The following C2orf66 variants were observed in gnomAD, a reference collection of about 807,000 sequenced individuals.
The protein encoded by C2orf66 is uncharacterized protein C2orf66.
A neutral mutation model predicts 7.0 loss-of-function variants in C2orf66; 6 were observed. The ratio of observed to expected loss-of-function variants is 0.86; its 90% CI spans 0.47 to 1.69. The LOEUF (loss-of-function observed/expected upper bound fraction) is 1.69, where lower values mean the gene tolerates loss of function less well. Ranked by LOEUF, C2orf66 falls within the 40% of genes most tolerant of loss-of-function variation. The probability of loss-of-function intolerance (pLI) is 0.01; values close to 1 mark genes in which losing one functional copy is unlikely to be tolerated. For synonymous variants in C2orf66, 38 were observed against 43.8 expected (o/e 0.87, Z 0.52); for missense variants, 107 against 112.0 (o/e 0.96, Z 0.20).
At chr2:196,822,331 T>TA in the C2orf66 span, among the ~76,000 whole-genome samples, 1 of 152,286 alleles carries the variant, frequency 6.6e-6, no homozygotes, top group South Asian at 2.1e-4. Flanking sequence ...TGTAGGTACA[T>TA]AAAATGTTAT....
chr2:196,829,963 A>T, the C2orf66 span, among the ~76,000 whole-genome samples: 4 of 152,192 alleles, frequency 2.6e-5, no homozygotes, highest in African/African-American at 9.6e-5. Context: ...ACACAACATT[A>T]GGACAGGCAG....
At chr2:196,829,619 C>T in the C2orf66 span, among the ~76,000 whole-genome samples, 1,339 of 151,516 alleles carry the variant, frequency 8.8e-3, 17 homozygotes, top group African/African-American at 0.03. Flanking sequence ...AAACAGGGGC[C>T]GGGTGCAGTG....
At chr2:196,823,206 G>A in the C2orf66 span, among the ~76,000 whole-genome samples, 4 of 152,170 alleles carry the variant, frequency 2.6e-5, no homozygotes, top group Non-Finnish European at 4.4e-5. Context: ...TAACAACTAC[G>A]TAGATGTAGT....
the C2orf66 span, among the ~76,000 whole-genome samples, chr2:196,819,856 TAAG>T: frequency 6.6e-6 from 1 of 152,238 alleles, no homozygotes; most frequent in East Asian, 1.9e-4. Context: ...CATATTTTAA[TAAG>T]GAGGGGAGAG....
chr2:196,827,022 A>T, the C2orf66 span, among the ~76,000 whole-genome samples: 5 of 150,574 alleles, frequency 3.3e-5, no homozygotes, highest in African/African-American at 1.0e-4. Context: ...CAGAGGGAGG[A>T]CTCTGTCTCA....
chr2:196,830,899 G>A, the C2orf66 span, among the ~76,000 whole-genome samples: 1 of 152,020 alleles, frequency 6.6e-6, no homozygotes, highest in Non-Finnish European at 1.5e-5. Context: ...TCTTCTTTGA[G>A]GGGGAACAAG....
chr2:196,807,164 A>ATAAATAAT (rs1401252807), intron 2 of C2orf66, among the ~76,000 whole-genome samples: 1 of 152,160 alleles, frequency 6.6e-6, no homozygotes, highest in Non-Finnish European at 1.5e-5. Flanking sequence ...TAATCCTATT[A>ATAAATAAT]AGAGATAATT....
the C2orf66 span, among the ~76,000 whole-genome samples, chr2:196,830,707 T>C: frequency 6.6e-6 from 1 of 152,054 alleles, no homozygotes; most frequent in Non-Finnish European, 1.5e-5. Context: ...TCTTACACTG[T>C]TTTAATTCTT....
the C2orf66 span, among the ~76,000 whole-genome samples, chr2:196,823,622 G>T: frequency 9.4e-6 from 1 of 106,950 alleles, no homozygotes; most frequent in Non-Finnish European, 1.9e-5. Context: ...GTGAGACCCT[G>T]TCTCAAACAA....
chr2:196,830,608 A>G, the C2orf66 span, among the ~76,000 whole-genome samples: 12 of 152,194 alleles, frequency 7.9e-5, no homozygotes, highest in African/African-American at 2.9e-4. Context: ...TTACAAAGCC[A>G]ATTTTTCCTT....
the C2orf66 span, among the ~76,000 whole-genome samples, chr2:196,825,433 A>T: frequency 6.0e-3 from 912 of 152,330 alleles, 4 homozygotes; most frequent in African/African-American, 0.021. Context: ...CTAAGAAAGT[A>T]GATCTTAAAT....
At chr2:196,813,116 T>C (rs933188390), upstream of C2orf66, among the ~76,000 whole-genome samples, 1 of 151,778 alleles carries the variant, frequency 6.6e-6, no homozygotes, top group Non-Finnish European at 1.5e-5. Context: ...AGAGCCCACA[T>C]AGCCAAAAAG....
At chr2:196,815,131 T>TC in the C2orf66 span, among the ~76,000 whole-genome samples, 3 of 151,686 alleles carry the variant, frequency 2.0e-5, no homozygotes, top group African/African-American at 7.3e-5. Flanking sequence ...TGGCTGGCTC[T>TC]CTTTTTTTTT....
upstream of C2orf66, among the ~76,000 whole-genome samples, chr2:196,813,585 A>G (rs768229797): frequency 6.6e-6 from 1 of 152,258 alleles, no homozygotes; most frequent in Non-Finnish European, 1.5e-5. Context: ...AATGGGATCT[A>G]ATTACACTAA....
chr2:196,823,366 T>A, the C2orf66 span, among the ~76,000 whole-genome samples: 2 of 152,178 alleles, frequency 1.3e-5, no homozygotes, highest in Non-Finnish European at 2.9e-5. Context: ...CTCATGTCTG[T>A]AATCCTAGCA....
upstream of C2orf66, chr2:196,809,671 TG>T (rs1422674521): frequency 4.1e-6 from 1 of 244,842 alleles, no homozygotes; most frequent in African/African-American, 2.2e-5. Context: ...CCAAAGAAAC[TG>T]CAACTCTTAA....
chr2:196,805,398 T>A lies in C2orf66; in HGVS notation c.*30A>T, dbSNP rs1699809454. ...AGAAGCTTCATCTGTAGTTTTAAAA[T>A]AGCCAGACACCTGAAAGAACAAGAC... On this transcript the variant is annotated 3_prime_UTR_variant, in exon 3 of 3. Transcript: ENST00000342506. 6.6e-6 allele frequency: 1 copy of A among 152,170 alleles called. No homozygotes were observed. The highest frequency in any genetic ancestry group is 2.4e-5 in the African/African-American group (1 of 41,460). The allele number at this position is 152,170 out of a possible 1,614,324, so 9.4% of individuals were successfully genotyped here.
chr2:196,829,344 C>T, the C2orf66 span, among the ~76,000 whole-genome samples: 3 of 152,168 alleles, frequency 2.0e-5, no homozygotes, highest in African/African-American at 7.2e-5. Flanking sequence ...ATACACAATG[C>T]TTTGGGAGCC....
chr2:196,816,692 A>G, the C2orf66 span, among the ~76,000 whole-genome samples: 332 of 152,294 alleles, frequency 2.2e-3, 2 homozygotes, highest in African/African-American at 7.6e-3. Context: ...CCCCGAATCT[A>G]AAATAAAAGT....
Sources: gnomAD v4.1 joint callset for allele counts (sites outside exome capture counted in the v4.1 genomes callset) on GRCh38, gnomAD v4.1.1 for gene constraint, MANE v1.5 for transcripts, NCBI Gene and HGNC (gene_info 2026-07-23, HGNC 2026-07-21) for gene names.